Variants in NKAIN3 observed in about 807,000 individuals in gnomAD.
NKAIN3 encodes the protein sodium/potassium transporting ATPase interacting 3.
NKAIN3 carries 25 observed loss-of-function variants against 30.2 expected under a neutral mutation model. The ratio of observed to expected loss-of-function variants is 0.83; its 90% CI spans 0.60 to 1.16. The LOEUF (loss-of-function observed/expected upper bound fraction) is 1.16. Ranked by LOEUF, NKAIN3 falls within the 50% of genes most tolerant of loss-of-function variation. NKAIN3 has a pLI of 0.00. For missense variants in NKAIN3, 225 were observed against 254.1 expected (o/e 0.89, Z 0.78); for synonymous variants, 91 against 89.6 (o/e 1.02, Z -0.09).
chr8:62,862,461 AT>A (rs1254937279), intron 4 of NKAIN3, among the ~76,000 whole-genome samples: 1 of 152,168 alleles, frequency 6.6e-6, no homozygotes. Flanking sequence ...TGAAAAGAGC[AT>A]CATATATTTA....
At chr8:62,628,650 T>A (rs1324656896) in intron 3 of NKAIN3, among the ~76,000 whole-genome samples, 2 of 152,178 alleles carry the variant, frequency 1.3e-5, no homozygotes, top group Non-Finnish European at 2.9e-5. Context: ...ATCTGTAATC[T>A]ATACATGTGC....
chr8:62,900,765 G>T (rs578162614), intron 4 of NKAIN3, among the ~76,000 whole-genome samples: 37 of 152,262 alleles, frequency 2.4e-4, no homozygotes, highest in Middle Eastern at 3.4e-3. Flanking sequence ...GGCTCAGTGA[G>T]GTTAAATACC....
At chr8:62,816,363 G>A (rs1818678983) in intron 4 of NKAIN3, among the ~76,000 whole-genome samples, 1 of 152,134 alleles carries the variant, frequency 6.6e-6, no homozygotes, top group South Asian at 2.1e-4. Flanking sequence ...CTGTGGTATG[G>A]CTTTGCTAAG....
At chr8:62,461,550 C>T (rs1423239041) in intron 1 of NKAIN3, among the ~76,000 whole-genome samples, 1 of 152,092 alleles carries the variant, frequency 6.6e-6, no homozygotes, top group Non-Finnish European at 1.5e-5. Context: ...AAAATATGCT[C>T]AAATAACTAA....
At chr8:62,603,804 G>T (rs1212481185) in intron 3 of NKAIN3, among the ~76,000 whole-genome samples, 1 of 152,106 alleles carries the variant, frequency 6.6e-6, no homozygotes, top group Non-Finnish European at 1.5e-5. Context: ...GGAAGGATAA[G>T]TTTGAGAATG....
intron 1 of NKAIN3, among the ~76,000 whole-genome samples, chr8:62,271,526 A>T (rs1201928268): frequency 6.6e-6 from 1 of 152,170 alleles, no homozygotes; most frequent in Non-Finnish European, 1.5e-5. Flanking sequence ...ATTGTACTGT[A>T]TCCCAACCAA....
intron 3 of NKAIN3, among the ~76,000 whole-genome samples, chr8:62,687,719 C>T (rs1006188525): frequency 6.6e-6 from 1 of 152,210 alleles, no homozygotes; most frequent in Non-Finnish European, 1.5e-5. Flanking sequence ...TTCTAATTCA[C>T]CAGTCAACAT....
At chr8:62,822,163 G>A (rs557709777) in intron 4 of NKAIN3, among the ~76,000 whole-genome samples, 2 of 152,204 alleles carry the variant, frequency 1.3e-5, no homozygotes, top group South Asian at 2.1e-4. Flanking sequence ...AAAGGAAAAG[G>A]CACCAACTGA....
intron 4 of NKAIN3, among the ~76,000 whole-genome samples, chr8:62,789,435 T>A (rs28789677): frequency 6.6e-6 from 1 of 152,078 alleles, no homozygotes; most frequent in Non-Finnish European, 1.5e-5. Context: ...GATTTTGGGC[T>A]GAGACAATGG....
intron 4 of NKAIN3, among the ~76,000 whole-genome samples, chr8:62,822,442 A>G (rs1400944553): frequency 1.3e-5 from 2 of 152,192 alleles, no homozygotes; most frequent in East Asian, 1.9e-4. Flanking sequence ...CATAACATAC[A>G]TGCTGATTTT....
At chr8:62,881,745 A>G (rs1041272928) in intron 4 of NKAIN3, among the ~76,000 whole-genome samples, 3 of 152,218 alleles carry the variant, frequency 2.0e-5, no homozygotes, top group African/African-American at 7.2e-5. Context: ...GTTTTGCATG[A>G]ATACCAAAAG....
intron 4 of NKAIN3, among the ~76,000 whole-genome samples, chr8:62,907,566 G>T (rs1019278621): frequency 1.3e-5 from 2 of 152,158 alleles, no homozygotes; most frequent in Non-Finnish European, 2.9e-5. Context: ...GGTTTCATGG[G>T]CTGGGCCCAG....
intron 4 of NKAIN3, among the ~76,000 whole-genome samples, chr8:62,844,015 C>T (rs757943800): frequency 1.4e-4 from 21 of 152,050 alleles, no homozygotes; most frequent in African/African-American, 3.1e-4. Context: ...ATCCTAAATC[C>T]GATAACTAAG....
intron 4 of NKAIN3, among the ~76,000 whole-genome samples, chr8:62,873,934 C>A (rs1448716098): frequency 6.6e-6 from 1 of 151,560 alleles, no homozygotes; most frequent in African/African-American, 2.4e-5. Flanking sequence ...GCTAGCAAGG[C>A]AAGAACAAAC....
chr8:62,368,824 T>G (rs1013464544), intron 1 of NKAIN3, among the ~76,000 whole-genome samples: 21 of 18,808 alleles, frequency 1.1e-3, no homozygotes, highest in African/African-American at 1.5e-3. Context: ...TTTTTCTTGT[T>G]TTTTTTTTTT....
chr8:62,356,695 G>C (rs972327450), intron 1 of NKAIN3, among the ~76,000 whole-genome samples: 1 of 152,072 alleles, frequency 6.6e-6, no homozygotes, highest in African/African-American at 2.4e-5. Flanking sequence ...CAGAGTAATC[G>C]ACATAAAGGT....
intron 4 of NKAIN3, among the ~76,000 whole-genome samples, chr8:62,911,533 T>C (rs1821925937): frequency 6.6e-6 from 1 of 152,146 alleles, no homozygotes; most frequent in African/African-American, 2.4e-5. Context: ...ATTCTGTTAC[T>C]ATCCTTCTCC....
At chr8:62,828,076 A>G (rs1006377485) in intron 4 of NKAIN3, among the ~76,000 whole-genome samples, 1 of 151,086 alleles carries the variant, frequency 6.6e-6, no homozygotes, top group Non-Finnish European at 1.5e-5. Flanking sequence ...AATACTACTC[A>G]GTAGTAAAAA....
At chr8:62,894,347 C>T (rs13439827) in intron 4 of NKAIN3, among the ~76,000 whole-genome samples, 4 of 152,242 alleles carry the variant, frequency 2.6e-5, no homozygotes, top group Non-Finnish European at 5.9e-5. Context: ...GGATTTGAAA[C>T]TAGGAACTGA....
Sources: allele counts gnomAD v4.1 joint callset (sites outside exome capture counted in the v4.1 genomes callset), GRCh38; gene constraint gnomAD v4.1.1; transcripts MANE v1.5; gene names NCBI Gene and HGNC (gene_info 2026-07-23, HGNC 2026-07-21).